The following HMOX2 variants were observed in gnomAD, a reference collection of about 807,000 sequenced individuals.
HMOX2 encodes heme oxygenase (decycling) 2.
In HMOX2, 30 loss-of-function variants were observed where a neutral mutation model predicts 33.7. The ratio of observed to expected loss-of-function variants is 0.89; its 90% confidence interval spans 0.67 to 1.21. The LOEUF is 1.21. Among genes scored for constraint, HMOX2 ranks in the 50% most tolerant of loss-of-function variants. HMOX2 has a pLI of 0.00. For synonymous variants in HMOX2, 155 were observed against 155.0 expected (o/e 1.00, Z 0.00); for missense variants, 403 against 399.1 (o/e 1.01, Z -0.08).
intron 1 of HMOX2, among the ~76,000 whole-genome samples, chr16:4,485,529 G>A (rs1371342120): frequency 1.3e-5 from 2 of 152,068 alleles, no homozygotes; most frequent in African/African-American, 4.8e-5. Context: ...GTGGAGAAAT[G>A]GAGAAAATGG....
chr16:4,491,188 A>C (rs2058296916), intron 1 of HMOX2, among the ~76,000 whole-genome samples: 1 of 152,200 alleles, frequency 6.6e-6, no homozygotes, highest in African/African-American at 2.4e-5. Flanking sequence ...TCAGTTACCT[A>C]ATTAAACCTT....
chr16:4,482,074 G>T (rs574313554), intron 1 of HMOX2, among the ~76,000 whole-genome samples: 1 of 152,176 alleles, frequency 6.6e-6, no homozygotes, highest in African/African-American at 2.4e-5. Context: ...CAGGCCTTCG[G>T]TTGGCTTGGT....
intron 1 of HMOX2, among the ~76,000 whole-genome samples, chr16:4,480,978 C>T (rs2058011918): frequency 1.3e-5 from 2 of 151,026 alleles, no homozygotes; most frequent in Non-Finnish European, 3.0e-5. Context: ...TGCTTTTGCT[C>T]ATGTTTTCAT....
At chr16:4,503,795 G>A (rs866747879) in intron 1 of HMOX2, among the ~76,000 whole-genome samples, 12 of 152,348 alleles carry the variant, frequency 7.9e-5, no homozygotes, top group Middle Eastern at 3.4e-3. Flanking sequence ...AAGGATATGT[G>A]CCTTGGGCCT....
chr16:4,509,773 C>A lies in HMOX2; in HGVS notation c.*17C>A. 6.2e-7 allele frequency: 1 copy of A among 1,608,124 alleles called. No homozygotes were observed. Among genetic ancestry groups the A allele is most frequent in the Non-Finnish European group, 8.5e-7 (1 of 1,177,274 alleles). On this transcript the variant is annotated 3_prime_UTR_variant, in exon 6 of 6. Transcript: ENST00000570646. ...TACATGTGAAGCACCCATCATGCCA[C>A]ACCGGTACCCTCCTCCCGACTGACC...
At chr16:4,477,499 A>T (rs1422419864) in intron 1 of HMOX2, among the ~76,000 whole-genome samples, 3 of 23,248 alleles carry the variant, frequency 1.3e-4, no homozygotes, top group Non-Finnish European at 4.6e-4. Context: ...ACTCCATCTA[A>T]AAAAAAAAAA....
chr16:4,495,718 T>A (rs146749568), intron 1 of HMOX2: 6 of 152,234 alleles, frequency 3.9e-5, no homozygotes, highest in African/African-American at 1.4e-4. Flanking sequence ...TAGAACTGCT[T>A]AGATTTTAAA....
At chr16:4,501,221 G>A (rs1341687738) in intron 1 of HMOX2, among the ~76,000 whole-genome samples, 1 of 151,992 alleles carries the variant, frequency 6.6e-6, no homozygotes, top group Non-Finnish European at 1.5e-5. Context: ...GCAGCCAGTT[G>A]GCTAAAAAGT....
intron 1 of HMOX2, among the ~76,000 whole-genome samples, chr16:4,479,877 T>G (rs925933221): frequency 4.6e-5 from 7 of 151,584 alleles, no homozygotes; most frequent in African/African-American, 7.3e-5. Flanking sequence ...TAGCTGGGAT[T>G]ACAGGCGTAT....
rs563483460 is a variant in HMOX2, at chr16:4,508,211, T to C, written c.696+7T>C. 33 of 1,591,636 alleles carry C rather than the reference T, an allele frequency of 2.1e-5. No homozygotes were observed. Among genetic ancestry groups the C allele is most frequent in the African/African-American group, 2.7e-5 (2 of 74,126 alleles). On this transcript the variant is annotated splice_region_variant and intron_variant, in intron 4 of 5. Transcript: ENST00000570646. ...TTTTGAGTATAACATGCAGGTACTA[T>C]TGGGGGCTGCCAGCTGCTAGGGCTG...
At chr16:4,509,042 C>A (rs2058764350) in intron 4 of HMOX2, among the ~76,000 whole-genome samples, 1 of 152,212 alleles carries the variant, frequency 6.6e-6, no homozygotes, top group Non-Finnish European at 1.5e-5. Context: ...CTCACTCTCT[C>A]TGGAGGGCGT....
intron 1 of HMOX2, among the ~76,000 whole-genome samples, chr16:4,484,710 C>T (rs920341297): frequency 1.3e-5 from 2 of 151,966 alleles, no homozygotes; most frequent in African/African-American, 2.4e-5. Flanking sequence ...AGCCGCCTGC[C>T]GCGGGCTCCC....
intron 1 of HMOX2, among the ~76,000 whole-genome samples, chr16:4,480,739 A>C (rs1484116328): frequency 1.1e-4 from 15 of 137,634 alleles, no homozygotes; most frequent in African/African-American, 4.1e-4. Flanking sequence ...TGCAACTTCC[A>C]CCTCCCAGGT....
At chr16:4,478,739 T>C (rs1376759723) in intron 1 of HMOX2, among the ~76,000 whole-genome samples, 1 of 147,288 alleles carries the variant, frequency 6.8e-6, no homozygotes, top group African/African-American at 2.5e-5. Flanking sequence ...CATTCCAGCC[T>C]GGGCAACAGG....
intron 1 of HMOX2, among the ~76,000 whole-genome samples, chr16:4,504,228 C>A (rs1449069395): frequency 6.6e-6 from 1 of 152,156 alleles, no homozygotes; most frequent in Non-Finnish European, 1.5e-5. Context: ...CACAAGGCAC[C>A]CAGCCTCTCA....
chr16:4,505,266 TC>T (rs1197939247), intron 1 of HMOX2, among the ~76,000 whole-genome samples: 3 of 152,226 alleles, frequency 2.0e-5, no homozygotes, highest in African/African-American at 7.2e-5. Flanking sequence ...AAGCTTAATG[TC>T]AATACAATGC....
chr16:4,483,106 C>T (rs759465005), intron 1 of HMOX2, among the ~76,000 whole-genome samples: 1 of 151,590 alleles, frequency 6.6e-6, no homozygotes, highest in African/African-American at 2.4e-5. Context: ...GAAGCTTCTA[C>T]GCCCTCTCTG....
At chr16:4,480,677 A>G in intron 1 of HMOX2, among the ~76,000 whole-genome samples, 1 of 122,876 alleles carries the variant, frequency 8.1e-6, no homozygotes, top group African/African-American at 3.2e-5. Context: ...TTTGAGACAG[A>G]GTTTCACTCT....
chr16:4,491,232 T>C (rs1210565677), intron 1 of HMOX2, among the ~76,000 whole-genome samples: 3 of 152,208 alleles, frequency 2.0e-5, no homozygotes, highest in Non-Finnish European at 4.4e-5. Context: ...GAAACAAAAG[T>C]GTGTCCTGTC....
Sources: allele counts gnomAD v4.1 joint callset (sites outside exome capture counted in the v4.1 genomes callset), GRCh38; gene constraint gnomAD v4.1.1; transcripts MANE v1.5; gene names NCBI Gene and HGNC (gene_info 2026-07-23, HGNC 2026-07-21).